Variants in ADCY2 observed in about 807,000 individuals in gnomAD.
ADCY2 encodes adenylate cyclase 2.
In ADCY2, 31 loss-of-function variants were observed where a neutral mutation model predicts 125.2. That is an observed-to-expected ratio of 0.25 (90% CI 0.19 to 0.33). The LOEUF (loss-of-function observed/expected upper bound fraction) is 0.33, where lower values mean the gene tolerates loss of function less well. Among genes scored for constraint, ADCY2 ranks in the 10% least tolerant of loss-of-function variants. The pLI, the probability that ADCY2 is intolerant of heterozygous loss-of-function variation, is 1.00. For synonymous variants in ADCY2, 512 were observed against 548.4 expected, an observed-to-expected ratio of 0.93 and a Z score of 0.93; for missense variants, 904 against 1,418.2, an observed-to-expected ratio of 0.64 and a Z score of 5.82.
At chr5:7,459,430 C>T (rs17814563) in intron 2 of ADCY2, among the ~76,000 whole-genome samples, 3,558 of 152,252 alleles carry the variant, frequency 0.023, 62 homozygotes, top group Middle Eastern at 0.048. Context: ...TTATTGTCTT[C>T]TCACATTCTG....
At chr5:7,464,104 A>G (rs1742020742) in intron 2 of ADCY2, among the ~76,000 whole-genome samples, 1 of 152,150 alleles carries the variant, frequency 6.6e-6, no homozygotes, top group Non-Finnish European at 1.5e-5. Flanking sequence ...TGTTGGTACT[A>G]GTTACTTCCC....
At chr5:7,747,670 C>T (rs911009831) in intron 15 of ADCY2, among the ~76,000 whole-genome samples, 1 of 152,128 alleles carries the variant, frequency 6.6e-6, no homozygotes, top group African/African-American at 2.4e-5. Flanking sequence ...TGGAAATTAT[C>T]ATCTAACTTT....
chr5:7,792,608 T>A (rs1180328499), intron 20 of ADCY2, among the ~76,000 whole-genome samples: 3 of 151,986 alleles, frequency 2.0e-5, no homozygotes, highest in African/African-American at 7.3e-5. Flanking sequence ...CCTCCAGGAG[T>A]AGCAGGTTCT....
chr5:7,576,598 C>CAACT (rs1472599792), intron 3 of ADCY2, among the ~76,000 whole-genome samples: 1 of 152,192 alleles, frequency 6.6e-6, no homozygotes, highest in Non-Finnish European at 1.5e-5. Context: ...TGCTGTGTGC[C>CAACT]AGACACTAGA....
intron 3 of ADCY2, among the ~76,000 whole-genome samples, chr5:7,534,253 G>A (rs887698996): frequency 1.1e-4 from 17 of 152,188 alleles, no homozygotes; most frequent in African/African-American, 4.1e-4. Context: ...GCTTTTGGTA[G>A]CCATCACACC....
At chr5:7,816,052 T>C (rs1745102481) in intron 22 of ADCY2, among the ~76,000 whole-genome samples, 1 of 152,118 alleles carries the variant, frequency 6.6e-6, no homozygotes, top group Admixed American at 6.5e-5. Context: ...AGGACACCAG[T>C]CATATTGGAT....
chr5:7,499,658 T>C (rs1204150106), intron 2 of ADCY2, among the ~76,000 whole-genome samples: 2 of 102,284 alleles, frequency 2.0e-5, no homozygotes, highest in South Asian at 6.6e-4. Flanking sequence ...GATATATATA[T>C]ATATATATAT....
At chr5:7,800,565 G>A in intron 20 of ADCY2, 1 of 152,260 alleles carries the variant, frequency 6.6e-6, no homozygotes, top group East Asian at 1.9e-4. Flanking sequence ...AGTAGGCTGA[G>A]GGAGGAGAAT....
chr5:7,420,580 C>T (rs899479121), intron 2 of ADCY2, among the ~76,000 whole-genome samples: 16 of 152,152 alleles, frequency 1.1e-4, no homozygotes, highest in African/African-American at 3.9e-4. Context: ...ACAAACCACC[C>T]CCATCCCGAA....
chr5:7,553,428 T>C (rs1293811770), intron 3 of ADCY2, among the ~76,000 whole-genome samples: 1 of 152,188 alleles, frequency 6.6e-6, no homozygotes, highest in Non-Finnish European at 1.5e-5. Flanking sequence ...TGAGCATCAG[T>C]TGTGCAGACT....
chr5:7,514,931 A>T (rs1227792358), intron 2 of ADCY2, among the ~76,000 whole-genome samples: 1 of 152,122 alleles, frequency 6.6e-6, no homozygotes, highest in Non-Finnish European at 1.5e-5. Flanking sequence ...TGAGAGAAAA[A>T]TTTTTTATTG....
chr5:7,543,691 C>T (rs1488236940), intron 3 of ADCY2, among the ~76,000 whole-genome samples: 2 of 151,978 alleles, frequency 1.3e-5, no homozygotes, highest in Non-Finnish European at 2.9e-5. Context: ...GAGATGCACT[C>T]ATCAATAGCA....
rs117345636 is a variant in ADCY2 at position 7,634,824 on chromosome 5, G to A, written c.720+8508G>A. 8.3e-3 allele frequency among the ~76,000 whole-genome samples: 1,264 copies of A among 151,972 alleles called. 54 individuals are homozygous for A. The East Asian group carries it at 0.12, about 14-fold the overall frequency. On this transcript the variant is annotated intron_variant, in intron 4 of 24. Transcript: ENST00000338316. ...AAATTCTAATAGCAGGTGATAGACT[G>A]TAACTTATCAAATCCATAATTTCAT...
At chr5:7,479,072 C>G (rs1007735705) in intron 2 of ADCY2, among the ~76,000 whole-genome samples, 1 of 151,836 alleles carries the variant, frequency 6.6e-6, no homozygotes, top group Non-Finnish European at 1.5e-5. Context: ...CATAGATTTG[C>G]GATGTATTAT....
In ADCY2 at chr5:7,399,946, T is replaced by C. The variant is rs554057822; in HGVS notation, c.210+3440T>C. On this transcript the variant is annotated intron_variant, in intron 1 of 24. Transcript: ENST00000338316. ...AATTTTTTTCTTTTTCTTTTTCTCATTTTTTTCTCTTTCTACTTTGTTTTT... is the reference window on the plus strand; with the variant it reads ...AATTTTTTTCTTTTTCTTTTTCTCACTTTTTTCTCTTTCTACTTTGTTTTT... Among the ~76,000 whole-genome samples the C allele has an allele frequency of 9.2e-5, 14 of 152,298 alleles. No homozygotes were observed. In the South Asian group the frequency reaches 2.9e-3, roughly 32 times the overall value.
intron 18 of ADCY2, among the ~76,000 whole-genome samples, chr5:7,779,925 C>T (rs943785121): frequency 6.6e-6 from 1 of 152,296 alleles, no homozygotes; most frequent in South Asian, 2.1e-4. Flanking sequence ...CTATTGAATG[C>T]CCTTGATACG....
intron 2 of ADCY2, among the ~76,000 whole-genome samples, chr5:7,494,726 T>A (rs58157344): frequency 0.049 from 7,412 of 152,194 alleles, 625 homozygotes; most frequent in African/African-American, 0.17. Flanking sequence ...GGTAATGCTG[T>A]TGTAGGTTTC....
intron 1 of ADCY2, among the ~76,000 whole-genome samples, chr5:7,408,853 A>G (rs148677402): frequency 0.012 from 1,826 of 152,306 alleles, 46 homozygotes; most frequent in African/African-American, 0.043. Context: ...CAGAAATACC[A>G]TTGGACCCAG....
At chr5:7,749,849 A>G (rs898449414) in intron 15 of ADCY2, 15 of 152,240 alleles carry the variant, frequency 9.9e-5, no homozygotes, top group African/African-American at 3.4e-4. Flanking sequence ...AAAGTAGGTC[A>G]CACAGCTAAT....
Sources: allele counts gnomAD v4.1 joint callset (sites outside exome capture counted in the v4.1 genomes callset), GRCh38; gene constraint gnomAD v4.1.1; transcripts MANE v1.5; gene names NCBI Gene and HGNC (gene_info 2026-07-23, HGNC 2026-07-21).